Variants in GSE1 observed in about 807,000 individuals in gnomAD.
The protein encoded by GSE1 is genetic suppressor element 1.
GSE1 carries 32 observed loss-of-function variants against 112.6 expected under a neutral mutation model. The observed-to-expected ratio is 0.28, with a 90% CI of 0.21 to 0.38. The LOEUF (loss-of-function observed/expected upper bound fraction) is 0.38. GSE1 is among the 10% of genes least tolerant of loss of function. The pLI, the probability that GSE1 is intolerant of heterozygous loss-of-function variation, is 1.00. For synonymous variants in GSE1, 1,115 were observed against 735.6 expected, an observed-to-expected ratio of 1.52 and a Z score of -8.35; for missense variants, 2,348 against 1,699.2, an observed-to-expected ratio of 1.38 and a Z score of -6.71.
intron 2 of GSE1, among the ~76,000 whole-genome samples, chr16:85,452,800 G>A (rs1222212113): frequency 1.3e-5 from 2 of 152,206 alleles, no homozygotes; most frequent in South Asian, 2.1e-4. Context: ...GTGGATTGGC[G>A]TTCTCTCTCC....
At chr16:85,203,748 A>G (rs1204083360) in intron 1 of GSE1, among the ~76,000 whole-genome samples, 1 of 152,114 alleles carries the variant, frequency 6.6e-6, no homozygotes, top group African/African-American at 2.4e-5. Context: ...ACAAAACTTT[A>G]CTTATTTGAG....
At chr16:85,384,145 C>T (rs979433612) in intron 2 of GSE1, among the ~76,000 whole-genome samples, 1 of 152,230 alleles carries the variant, frequency 6.6e-6, no homozygotes, top group Non-Finnish European at 1.5e-5. Context: ...CAGGGGGGCA[C>T]AGACTCAAAG....
chr16:85,670,267 C>T (rs1567770210), intron 14 of GSE1, among the ~76,000 whole-genome samples: 1 of 152,146 alleles, frequency 6.6e-6, no homozygotes, highest in Non-Finnish European at 1.5e-5. Context: ...GTCTGATTGT[C>T]TTGTCACTCC....
intron 1 of GSE1, among the ~76,000 whole-genome samples, chr16:85,284,108 C>A (rs2044940427): frequency 6.6e-6 from 1 of 152,180 alleles, no homozygotes; most frequent in East Asian, 1.9e-4. Flanking sequence ...GCCTGCCAGC[C>A]TTCAGAGGCC....
chr16:85,536,637 C>T (rs554490796), intron 2 of GSE1, among the ~76,000 whole-genome samples: 3 of 152,356 alleles, frequency 2.0e-5, no homozygotes, highest in South Asian at 4.1e-4. Flanking sequence ...CGCGAGGCCA[C>T]GGGCCCTGCA....
chr16:85,260,947 A>G (rs1907623578), intron 1 of GSE1, among the ~76,000 whole-genome samples: 1 of 152,174 alleles, frequency 6.6e-6, no homozygotes, highest in African/African-American at 2.4e-5. Flanking sequence ...CTGCAGGGAG[A>G]AAGCGAATGT....
intron 2 of GSE1, among the ~76,000 whole-genome samples, chr16:85,393,792 C>A (rs774144801): frequency 6.6e-6 from 1 of 152,236 alleles, no homozygotes; most frequent in African/African-American, 2.4e-5. Context: ...TCTATTCCCC[C>A]ACTGCCCCCC....
At chr16:85,508,684 A>T (rs1397174775) in intron 2 of GSE1, among the ~76,000 whole-genome samples, 2 of 152,108 alleles carry the variant, frequency 1.3e-5, no homozygotes, top group African/African-American at 4.8e-5. Flanking sequence ...CTCGGAGGGG[A>T]GGCTGCTGCT....
chr16:85,342,678 T>A lies in GSE1; in HGVS notation c.2284-14785T>A, dbSNP rs13334489. 4.6e-5 allele frequency among the ~76,000 whole-genome samples: 7 copies of A among 152,014 alleles called. No homozygotes were observed. In the East Asian group the frequency reaches 1.4e-3, roughly 30 times the overall value. ...CTTCAGGCTGTCTGACGTTTGGCAG[T>A]CTGTTAAACATCTCTGAGCCACATC... On this transcript the variant is annotated intron_variant, in intron 1 of 2. Transcript: ENST00000637419.
intron 2 of GSE1, among the ~76,000 whole-genome samples, chr16:85,642,344 A>G (rs1184820327): frequency 1.3e-5 from 2 of 152,254 alleles, no homozygotes; most frequent in Non-Finnish European, 2.9e-5. Context: ...GAAAATTTTA[A>G]ACACTAACTT....
At chr16:85,638,649 A>ACCCCCCCCCCCCCCTCCCCTCCCC (rs2050197067) in intron 2 of GSE1, among the ~76,000 whole-genome samples, 1 of 68,754 alleles carries the variant, frequency 1.5e-5, no homozygotes, top group Admixed American at 1.5e-4. Flanking sequence ...CCTGGCTCCC[A>ACCCCCCCCCCCCCCTCCCCTCCCC]CCCCCGCCTC....
chr16:85,641,099 C>T (rs535342578), intron 2 of GSE1, among the ~76,000 whole-genome samples: 42 of 152,360 alleles, frequency 2.8e-4, no homozygotes, highest in African/African-American at 1.0e-3. Flanking sequence ...CTCCCCTAGC[C>T]ACGTGGACAT....
intron 2 of GSE1, among the ~76,000 whole-genome samples, chr16:85,434,455 T>A (rs892601087): frequency 6.6e-6 from 1 of 152,146 alleles, no homozygotes; most frequent in Non-Finnish European, 1.5e-5. Flanking sequence ...TGTTATTACC[T>A]GCATGTTACA....
chr16:85,515,726 T>C (rs7499133), intron 2 of GSE1, among the ~76,000 whole-genome samples: 48,026 of 151,724 alleles, frequency 0.32, 8,069 homozygotes, highest in African/African-American at 0.43. Flanking sequence ...ACCTGAGGTC[T>C]GAGGCTAGGA....
At chr16:85,247,450 T>A (rs938986063) in intron 1 of GSE1, among the ~76,000 whole-genome samples, 3 of 152,150 alleles carry the variant, frequency 2.0e-5, no homozygotes, top group African/African-American at 7.2e-5. Context: ...AGGCAGTGGC[T>A]GCATGCAGGG....
rs114841520 is a variant in GSE1 at position 85,224,042 on chromosome 16, A to G, written c.2283+52235A>G. On this transcript the variant is annotated intron_variant, in intron 1 of 2. Coordinates refer to the GSE1 transcript ENST00000637419. ...AAGCCCCAGCCCCATTATCAGCACC[A>G]TTTTCAAGACATTCTGGAGGCAGAG... 8.4e-3 allele frequency among the ~76,000 whole-genome samples: 1,284 copies of G among 152,012 alleles called. 12 individuals are homozygous for G. The highest frequency in any genetic ancestry group is 0.029 in the African/African-American group (1,200 of 41,440).
intron 2 of GSE1, among the ~76,000 whole-genome samples, chr16:85,529,855 A>C (rs1212166807): frequency 6.6e-6 from 1 of 152,222 alleles, no homozygotes; most frequent in Non-Finnish European, 1.5e-5. Context: ...GCTGGGAGCC[A>C]CGAAACACCT....
chr16:85,656,503 GAGCTGGAGCGCC>G lies in GSE1; in HGVS notation c.1154_1165del (p.Leu385_Gln388del). Reference sequence around the variant, plus strand: ...TGAGCGTGAGAAGGAGCGCGAGCGCGAGCTGGAGCGCCAGCGGGAGCAGCGGGCCCGGGAGAA... The same window carrying G: ...TGAGCGTGAGAAGGAGCGCGAGCGCGAGCGGGAGCAGCGGGCCCGGGAGAA... On this transcript the variant is annotated inframe_deletion, in exon 7 of 16. Transcript: ENST00000253458. 1 of 1,547,864 alleles carries G rather than the reference GAGCTGGAGCGCC, an allele frequency of 6.5e-7. No individual in the cohort carries two copies. The highest frequency in any genetic ancestry group is 1.2e-5 in the South Asian group (1 of 84,066).
intron 1 of GSE1, among the ~76,000 whole-genome samples, chr16:85,217,198 G>T (rs1013394235): frequency 1.3e-5 from 2 of 152,234 alleles, no homozygotes; most frequent in African/African-American, 4.8e-5. Context: ...GTGACGCGCT[G>T]CCTTGCATAG....
Sources: gnomAD v4.1 joint callset for allele counts (sites outside exome capture counted in the v4.1 genomes callset) on GRCh38, gnomAD v4.1.1 for gene constraint, MANE v1.5 for transcripts, NCBI Gene and HGNC (gene_info 2026-07-23, HGNC 2026-07-21) for gene names.